RBFOX1: variants seen among roughly 807,000 people sequenced by gnomAD.
The protein encoded by RBFOX1 is RNA binding protein fox-1 homolog 1.
Under a neutral mutation model 57.7 loss-of-function variants are expected in RBFOX1, and 8 were observed. The observed-to-expected ratio is 0.14, with a 90% CI of 0.08 to 0.25. The LOEUF (loss-of-function observed/expected upper bound fraction) is 0.25, where lower values mean the gene tolerates loss of function less well. Ranked by LOEUF, RBFOX1 falls within the 10% of genes least tolerant of loss-of-function variation. The pLI, the probability that RBFOX1 is intolerant of heterozygous loss-of-function variation, is 1.00. For missense variants in RBFOX1, 611 were observed against 548.5 expected (o/e 1.11, Z -1.14); for synonymous variants, 326 against 222.4 (o/e 1.47, Z -4.15).
At chr16:7,405,425 A>G (rs1364436505) in intron 4 of RBFOX1, among the ~76,000 whole-genome samples, 1 of 152,162 alleles carries the variant, frequency 6.6e-6, no homozygotes, top group Non-Finnish European at 1.5e-5. Context: ...GAGAACATTG[A>G]GCGGAGCTGA....
chr16:6,536,863 A>C (rs977302677), intron 2 of RBFOX1, among the ~76,000 whole-genome samples: 4 of 152,210 alleles, frequency 2.6e-5, no homozygotes, highest in East Asian at 3.8e-4. Context: ...AAATAATGAT[A>C]ACATTTTCAG....
chr16:5,412,770 A>G (rs2067055251), intron 1 of RBFOX1, among the ~76,000 whole-genome samples: 1 of 152,362 alleles, frequency 6.6e-6, no homozygotes, highest in South Asian at 2.1e-4. Flanking sequence ...GAGGCTAATC[A>G]GCCCGCCCTA....
chr16:6,616,809 T>G (rs941352655), intron 2 of RBFOX1, among the ~76,000 whole-genome samples: 1 of 152,234 alleles, frequency 6.6e-6, no homozygotes, highest in Non-Finnish European at 1.5e-5. Context: ...TTCTGATTAA[T>G]GCTGCCATAA....
At chr16:7,648,801 G>A (rs1296901217) in intron 11 of RBFOX1, among the ~76,000 whole-genome samples, 1 of 152,166 alleles carries the variant, frequency 6.6e-6, no homozygotes, top group African/African-American at 2.4e-5. Flanking sequence ...TCCTGATAGT[G>A]TGCTGCCATC....
intron 5 of RBFOX1, among the ~76,000 whole-genome samples, chr16:7,570,884 G>A (rs56337349): frequency 0.14 from 21,156 of 152,150 alleles, 1,650 homozygotes; most frequent in East Asian, 0.22. Flanking sequence ...CATATACACC[G>A]TGAAATACTA....
At position 7,271,352 on chromosome 16, in the gene RBFOX1, G is replaced by C. The variant is rs142439617; in HGVS notation, c.27+219254G>C. Among the ~76,000 whole-genome samples the C allele has an allele frequency of 2.3e-4, 35 of 151,500 alleles. 1 individual carries two copies. In the East Asian group the frequency reaches 6.5e-3, roughly 28 times the overall value. ...ACAACTGGATCTTTGTTATTTCTTG[G>C]GGGGAGCTCGTATCAAACTCTCCCC... On this transcript the variant is annotated intron_variant, in intron 4 of 15. Transcript: ENST00000550418.
rs561952431 is a variant in RBFOX1, at chr16:5,374,481, A to G, written c.220-92735A>G. ...TGTGAGAAAAGACATAAGAACAGAAAAGGATGGAGTGTATATGGGAGCAGG... is the reference window on the plus strand; with the variant it reads ...TGTGAGAAAAGACATAAGAACAGAAGAGGATGGAGTGTATATGGGAGCAGG... On this transcript the variant is annotated intron_variant, in intron 1 of 2. Transcript: ENST00000585867. 4.6e-5 allele frequency among the ~76,000 whole-genome samples: 7 copies of G among 152,212 alleles called. No homozygotes were observed. In the South Asian group the frequency reaches 1.2e-3, roughly 27 times the overall value.
At chr16:6,089,139 G>A (rs889702) in intron 1 of RBFOX1, among the ~76,000 whole-genome samples, 92,983 of 150,852 alleles carry the variant, frequency 0.62, 28,836 homozygotes, top group African/African-American at 0.68. Context: ...TGATGGGGAA[G>A]GACCACCAAG....
intron 2 of RBFOX1, among the ~76,000 whole-genome samples, chr16:6,427,101 C>G (rs77857209): frequency 6.6e-6 from 1 of 152,266 alleles, no homozygotes; most frequent in Non-Finnish European, 1.5e-5. Context: ...TAGAGTGACA[C>G]AGAAACCCGA....
intron 15 of RBFOX1, chr16:7,709,857 A>T: frequency 8.4e-7 from 1 of 1,189,194 alleles, no homozygotes; most frequent in Non-Finnish European, 1.0e-6. Context: ...AGACGTGCCC[A>T]TCACGTGAGA....
intron 4 of RBFOX1, among the ~76,000 whole-genome samples, chr16:7,082,561 CAA>C (rs781683633): frequency 2.4e-5 from 3 of 125,030 alleles, no homozygotes. Flanking sequence ...GACCATGTCT[CAA>C]AAAAAAAAAA....
intron 1 of RBFOX1, among the ~76,000 whole-genome samples, chr16:6,299,266 T>G (rs934518549): frequency 2.0e-5 from 3 of 152,232 alleles, no homozygotes; most frequent in African/African-American, 7.2e-5. Flanking sequence ...CTTCCGTCTC[T>G]TCCTCAGAGG....
At chr16:6,887,407 G>T (rs1406829263) in intron 3 of RBFOX1, among the ~76,000 whole-genome samples, 2 of 152,094 alleles carry the variant, frequency 1.3e-5, no homozygotes, top group African/African-American at 4.8e-5. Flanking sequence ...AAGCCGAAAG[G>T]ATATGGTTGT....
chr16:5,592,617 T>A (rs1286113221), intron 2 of RBFOX1, among the ~76,000 whole-genome samples: 1 of 152,166 alleles, frequency 6.6e-6, no homozygotes, highest in South Asian at 2.1e-4. Flanking sequence ...GGTTTCACCA[T>A]GTTGGCTAGG....
intron 4 of RBFOX1, among the ~76,000 whole-genome samples, chr16:5,941,455 G>A (rs774103826): frequency 2.3e-4 from 35 of 150,900 alleles, no homozygotes; most frequent in East Asian, 1.2e-3. Flanking sequence ...GCTCTTCTGC[G>A]CTCCAGCCTG....
At chr16:7,607,844 A>G (rs1414394468) in intron 10 of RBFOX1, among the ~76,000 whole-genome samples, 2 of 152,146 alleles carry the variant, frequency 1.3e-5, no homozygotes, top group African/African-American at 4.8e-5. Context: ...TCATTAATCA[A>G]ATTCCCTTAG....
chr16:6,869,719 C>A (rs971096799), intron 3 of RBFOX1, among the ~76,000 whole-genome samples: 1 of 152,150 alleles, frequency 6.6e-6, no homozygotes, highest in Non-Finnish European at 1.5e-5. Flanking sequence ...AGCCATGTGA[C>A]TCTAGAGAAC....
At chr16:5,702,635 C>G (rs4786060) in intron 3 of RBFOX1, among the ~76,000 whole-genome samples, 2 of 152,008 alleles carry the variant, frequency 1.3e-5, no homozygotes, top group African/African-American at 2.4e-5. Flanking sequence ...TCTGTTTTAA[C>G]AATAAGCTTC....
At chr16:6,872,802 C>T (rs768605766) in intron 3 of RBFOX1, among the ~76,000 whole-genome samples, 2 of 151,984 alleles carry the variant, frequency 1.3e-5, no homozygotes, top group Admixed American at 6.6e-5. Flanking sequence ...TTGATGCCTT[C>T]GAACAAAATG....
Sources: gnomAD v4.1 joint callset for allele counts (sites outside exome capture counted in the v4.1 genomes callset) on GRCh38, gnomAD v4.1.1 for gene constraint, MANE v1.5 for transcripts, NCBI Gene and HGNC (gene_info 2026-07-23, HGNC 2026-07-21) for gene names.